NACA: variants seen among roughly 807,000 people sequenced by gnomAD.
NACA encodes the protein nascent polypeptide associated complex subunit alpha.
Under a neutral mutation model 86.4 loss-of-function variants are expected in NACA, and 42 were observed. The ratio of observed to expected loss-of-function variants is 0.49; its 90% CI spans 0.38 to 0.63. NACA has a LOEUF of 0.63. Among genes scored for constraint, NACA ranks in the 20% least tolerant of loss-of-function variants. The probability of loss-of-function intolerance (pLI) is 0.00; values close to 1 mark genes in which losing one functional copy is unlikely to be tolerated. For missense variants in NACA, 2,157 were observed against 2,483.6 expected, an observed-to-expected ratio of 0.87 and a Z score of 2.80; for synonymous variants, 898 against 973.7, an observed-to-expected ratio of 0.92 and a Z score of 1.45.
intron 3 of NACA, 97 bp from the exon 4 acceptor site, chr12:56,714,784 C>T: frequency 9.1e-7 from 1 of 1,097,582 alleles, no homozygotes; most frequent in Non-Finnish European, 1.4e-6. Flanking sequence ...ATGCCTCATG[C>T]TAGACCTAAG....
At position 56,720,261 on chromosome 12, in the gene NACA, A is replaced by G. The variant is rs1421492567; in HGVS notation, c.1269T>C (p.Tyr423=). The G allele has an allele frequency of 3.1e-6, 5 of 1,613,868 alleles. No homozygotes were observed. Among genetic ancestry groups the G allele is most frequent in the African/African-American group, 1.3e-5 (1 of 74,910 alleles). The stretch of plus-strand genomic sequence containing the variant: ...GCATTTGGGCCACTAAAGGATAATG[A>G]TAAGTGGCATTAGGAGAGCTTTTGA... ...LILKSSPNAT[Y]HYPLVAQMPV... The change falls in exon 3 of 9, where the codon TAT becomes TAC. Residue 423 remains tyrosine, a synonymous_variant. Transcript: ENST00000454682.
rs761756088 is a variant in NACA, at chr12:56,714,441, TAAG to T, written c.5746-5_5746-3del. The T allele has an allele frequency of 1.5e-4, 249 of 1,614,038 alleles. No individual in the cohort carries two copies. The highest frequency in any genetic ancestry group is 2.0e-4 in the Non-Finnish European group (235 of 1,179,990). ...ATCAATTTCAGCTGCTGCCGCCAGCTAAGAAGATAAAACAGCTATTAGTTAACC... is the reference window on the plus strand; with the variant it reads ...ATCAATTTCAGCTGCTGCCGCCAGCTAAGATAAAACAGCTATTAGTTAACC... On this transcript the variant is annotated splice_region_variant and splice_polypyrimidine_tract_variant and intron_variant, in intron 4 of 8. Transcript: ENST00000454682.
Position 56,716,462 on chromosome 12 carries a change from G to C in NACA, c.5068C>G (p.Pro1690Ala). ...ALKEVLVAPA[P>A]ESTPIITAPT... ...GCTGTGATGATTGGCGTGCTTTCTG[G>C]AGCTGGGGCAACAAGTACTTCTTTC... Residue 1690 changes from proline (P) to alanine (A), a missense_variant, in exon 3 of 9, where the codon CCA (proline) becomes GCA (alanine). Transcript: ENST00000454682. 6.4e-7 allele frequency: 1 copy of C among 1,562,924 alleles called. No homozygotes were observed.
Position 56,713,077 on chromosome 12 carries a change from C to G in NACA, c.6084G>C (p.Glu2028Asp). The G allele has an allele frequency of 6.2e-7, 1 of 1,614,006 alleles. No homozygotes were observed. Among genetic ancestry groups the G allele is most frequent in the South Asian group, 1.1e-5 (1 of 91,078 alleles). Reference sequence around the variant, plus strand: ...CCTAGTATACCTCTTCCTCTTCACTCTCCTCTTGTACAGTTGGAGTCTGTG... The same window carrying G: ...CCTAGTATACCTCTTCCTCTTCACTGTCCTCTTGTACAGTTGGAGTCTGTG... The part of the protein sequence containing the change: ...ENTQTPTVQE[E>D]SEEEEVDETG... Residue 2028 changes from glutamate (E) to aspartate (D), a missense_variant, in exon 7 of 9, where the codon GAG (glutamate) becomes GAC (aspartate). Coordinates refer to ENST00000454682, the MANE Select transcript of NACA (RefSeq NM_001365896.1).
intron 5 of NACA, 84 bp downstream of exon 5, chr12:56,714,278 G>A: frequency 2.1e-6 from 3 of 1,435,632 alleles, no homozygotes; most frequent in Non-Finnish European, 2.9e-6. Context: ...AATACCACCT[G>A]TTCCCCAAAA....
chr12:56,724,495 G>C lies in NACA; in HGVS notation c.27C>G (p.Val9=). The part of the protein sequence containing the change: MPGEATET[V]PATEQELPQP... ...GCGGCAACTCCTGCTCTGTAGCAGG[G>C]ACGGTTTCTGTGGCTTCGCCGGGCA... The change falls in exon 2 of 9, where the codon GTC becomes GTG. Residue 9 remains valine (V), a synonymous_variant. Coordinates refer to ENST00000454682, the MANE Select transcript of NACA (RefSeq NM_001365896.1). 6.2e-7 allele frequency: 1 copy of C among 1,612,838 alleles called. No homozygotes were observed. Among genetic ancestry groups the C allele is most frequent in the Non-Finnish European group, 8.5e-7 (1 of 1,179,508 alleles).
At chr12:56,723,878 C>T (rs573542498) in intron 2 of NACA, among the ~76,000 whole-genome samples, 2 of 151,918 alleles carry the variant, frequency 1.3e-5, no homozygotes, top group South Asian at 4.2e-4. Flanking sequence ...TTATTTCAAT[C>T]CTGGGTTTCA....
In NACA at chr12:56,717,459, T is replaced by C; in HGVS notation, c.4071A>G (p.Lys1357=). 1 of 1,376,486 alleles carries C rather than the reference T, an allele frequency of 7.3e-7. No individual in the cohort carries two copies. Among genetic ancestry groups the C allele is most frequent in the Admixed American group, 2.2e-5 (1 of 44,692 alleles). 85.3% of individuals were successfully genotyped at this position (1,376,486 alleles called of 1,614,324 possible). A position where few individuals can be genotyped will look rare whatever the true frequency, so the allele number is the denominator to read the frequency against. ...TGGAGGATGGAGTAGTTGGGCCTCC[T>C]TTAGAGGAGGGAGTTGTAGCTGGGA... ...PTLPATTPSS[K]GGPTTPSSKE... Residue 1357 remains lysine (K), a synonymous_variant, in exon 3 of 9, where the codon AAA becomes AAG. Transcript: ENST00000454682.
rs766256169 is a variant in NACA, at chr12:56,716,012, G to A, written c.5518C>T (p.Leu1840=). Residue 1840 remains leucine (L), a synonymous_variant, in exon 3 of 9, where the codon CTG becomes TTG. Coordinates refer to ENST00000454682, the MANE Select transcript of NACA (RefSeq NM_001365896.1). ...GGTTCCGGGGGAATCAGAGGCAGCA[G>A]CTCATCCTCATCAGCAGGGGCAAGG... ...KPLAPADEDE[L]LPLIPPEPIS... is the part of the protein sequence containing the mutation. 6 of 1,600,792 alleles carry A rather than the reference G, an allele frequency of 3.7e-6. No homozygotes were observed. The Admixed American group carries it at 1.0e-4, about 27-fold the overall frequency.
Position 56,712,899 on chromosome 12 carries a change from T to C in NACA, c.6109A>G (p.Thr2037Ala). 1 of 1,614,190 alleles carries C rather than the reference T, an allele frequency of 6.2e-7. No individual in the cohort carries two copies. The highest frequency in any genetic ancestry group is 8.5e-7 in the Non-Finnish European group (1 of 1,180,032). Residue 2037 changes from threonine (T) to alanine (A), a missense_variant, in exon 8 of 9, where the codon ACA becomes GCA. Physicochemically the swap from Thr to Ala is moderately conservative, Grantham distance 58. Around this residue, in one of 8 missense-constraint regions of NACA, gnomAD observed 81 missense variants for 200.6 expected, o/e 0.40. Coordinates refer to ENST00000454682, the MANE Select transcript of NACA (RefSeq NM_001365896.1). ...TCAATGTCCTTAACTTCTACACCTG[T>C]TTCATCGACCTGAGAGATGAGAGGG... ...EESEEEEVDE[T>A]GVEVKDIELV...
intron 3 of NACA, among the ~76,000 whole-genome samples, chr12:56,715,003 CAT>C (rs1404438431): frequency 6.6e-6 from 1 of 152,140 alleles, no homozygotes; most frequent in Non-Finnish European, 1.5e-5. Flanking sequence ...AATAATGACC[CAT>C]ATGACTCTAA....
intron 2 of NACA, among the ~76,000 whole-genome samples, chr12:56,722,317 CT>C (rs1324727938): frequency 6.6e-6 from 1 of 152,176 alleles, no homozygotes; most frequent in East Asian, 1.9e-4. Context: ...AGGCAGAGAG[CT>C]TACTCACAAG....
At chr12:56,713,798 T>A in intron 5 of NACA, 115 bp from the exon 6 acceptor site, 2 of 1,063,626 alleles carry the variant, frequency 1.9e-6, no homozygotes, top group Non-Finnish European at 2.8e-6. Flanking sequence ...GAAAAGTTCA[T>A]ACAAGAATAG....
chr12:56,721,054 G>A lies in NACA; in HGVS notation c.476C>T (p.Thr159Ile), dbSNP rs752392098. 2 of 1,613,956 alleles carry A rather than the reference G, an allele frequency of 1.2e-6. No individual in the cohort carries two copies. The highest frequency in any genetic ancestry group is 1.7e-6 in the Non-Finnish European group (2 of 1,179,874). ...AGCTACAGCCACTGAAGGAGGTGAA[G>A]TAAGAAGGTTAGGTGGAAAAGCAGA... is the stretch of plus-strand genomic sequence containing the variant. ...KSSAFPPNLL[T>I]SPPSVAVAES... The change falls in exon 3 of 9, where the codon ACT (threonine) becomes ATT (isoleucine). Residue 159 changes from threonine to isoleucine, a missense_variant. Physicochemically the swap from Thr to Ile is moderately conservative, Grantham distance 89. Transcript: ENST00000454682.
In NACA at chr12:56,715,878, G is replaced by A. The variant is rs767328000; in HGVS notation, c.5652C>T (p.Asn1884=). 7.3e-6 allele frequency: 11 copies of A among 1,515,102 alleles called. No homozygotes were observed. Among genetic ancestry groups the A allele is most frequent in the Non-Finnish European group, 8.8e-6 (10 of 1,132,360 alleles). 93.9% of individuals were successfully genotyped at this position (1,515,102 alleles called of 1,614,324 possible). A position where few individuals can be genotyped will look rare whatever the true frequency, so the allele number is the denominator to read the frequency against. The change falls in exon 3 of 9, where the codon AAC becomes AAT. Residue 1884 remains asparagine, a synonymous_variant. Coordinates refer to ENST00000454682, the MANE Select transcript of NACA (RefSeq NM_001365896.1). ...TPSAKQPVTK[N]NKGSGTESDS... ...GCAAACCAAGGCAAATACCCTTGTTGTTCTTCGTAACAGGTTGCTTGGCAG... is the reference window on the plus strand; with the variant it reads ...GCAAACCAAGGCAAATACCCTTGTTATTCTTCGTAACAGGTTGCTTGGCAG...
rs2137808083 is a variant in NACA, at chr12:56,716,541, G to A, written c.4989C>T (p.Ala1663=). 2.7e-6 allele frequency: 4 copies of A among 1,472,908 alleles called. No homozygotes were observed. The highest frequency in any genetic ancestry group is 2.9e-5 in the East Asian group (1 of 34,396). 91.2% of individuals were successfully genotyped at this position (1,472,908 alleles called of 1,614,324 possible). A position where few individuals can be genotyped will look rare whatever the true frequency, so the allele number is the denominator to read the frequency against. ...GCCCTTTAGATGCTTGAGGAACAGT[G>A]GCCCCCATTTTACATGTGACAGAAG... The part of the protein sequence containing the change: ...SPASVTCKMG[A]TVPQASKGLP... Residue 1663 remains alanine, a synonymous_variant, in exon 3 of 9, where the codon GCC becomes GCT. Coordinates refer to ENST00000454682, the MANE Select transcript of NACA (RefSeq NM_001365896.1).
At chr12:56,724,731 T>A (rs770338808) in intron 1 of NACA, 50 of 561,612 alleles carry the variant, frequency 8.9e-5, no homozygotes, top group Non-Finnish European at 1.4e-4. Context: ...CAATTCCCAC[T>A]GCATTCTCAA....
chr12:56,719,803 G>A lies in NACA; in HGVS notation c.1727C>T (p.Thr576Ile), dbSNP rs1306540235. 1.2e-6 allele frequency: 2 copies of A among 1,613,882 alleles called. No individual in the cohort carries two copies. The highest frequency in any genetic ancestry group is 1.7e-6 in the Non-Finnish European group (2 of 1,179,862). ...APKNSPSFQS[T>I]SSSPEIPLSP... ...AAGAGGTATCTCTGGAGAAGAGGATGTACTTTGGAAAGAAGGGGAATTTTT... is the reference window on the plus strand; with the variant it reads ...AAGAGGTATCTCTGGAGAAGAGGATATACTTTGGAAAGAAGGGGAATTTTT... Residue 576 changes from threonine to isoleucine, a missense_variant, in exon 3 of 9, where the codon ACA becomes ATA. Around this residue, in one of 8 missense-constraint regions of NACA, gnomAD observed 947 missense variants for 917.9 expected, o/e 1.03. Coordinates refer to ENST00000454682, the MANE Select transcript of NACA (RefSeq NM_001365896.1).
chr12:56,719,817 A>C lies in NACA; in HGVS notation c.1713T>G (p.Pro571=). ...PLVQAAPKNS[P]SFQSTSSSPE... is the part of the protein sequence containing the mutation. ...GAGAAGAGGATGTACTTTGGAAAGAAGGGGAATTTTTAGGGGCTGCCTGGA... is the reference window on the plus strand; with the variant it reads ...GAGAAGAGGATGTACTTTGGAAAGACGGGGAATTTTTAGGGGCTGCCTGGA... The change falls in exon 3 of 9, where the codon CCT becomes CCG. Residue 571 remains proline (P), a synonymous_variant. Transcript: ENST00000454682. 1 of 1,613,666 alleles carries C rather than the reference A, an allele frequency of 6.2e-7. No individual in the cohort carries two copies. Among genetic ancestry groups the C allele is most frequent in the Non-Finnish European group, 8.5e-7 (1 of 1,179,838 alleles).
Sources: gnomAD v4.1 joint callset for allele counts (sites outside exome capture counted in the v4.1 genomes callset) on GRCh38, gnomAD v4.1.1 for gene constraint, gnomAD v4.1.1 regional missense constraint, MANE v1.5 for transcripts, NCBI Gene and HGNC (gene_info 2026-07-23, HGNC 2026-07-21) for gene names.